Variants in KIZ observed in about 807,000 individuals in gnomAD.
KIZ encodes the protein kizuna centrosomal protein.
Under a neutral mutation model 79.6 loss-of-function variants are expected in KIZ, and 68 were observed. That is an observed-to-expected ratio of 0.85 (90% CI 0.70 to 1.05). The LOEUF (loss-of-function observed/expected upper bound fraction) is 1.05, where lower values mean the gene tolerates loss of function less well. KIZ is among the 50% of genes least tolerant of loss of function. The pLI is 0.00. For missense variants in KIZ, 797 were observed against 800.4 expected (o/e 1.00, Z 0.05); for synonymous variants, 280 against 281.8 (o/e 0.99, Z 0.06).
chr20:21,223,696 G>T (rs1302568017), intron 9 of KIZ, among the ~76,000 whole-genome samples: 1 of 136,020 alleles, frequency 7.4e-6, no homozygotes, highest in Non-Finnish European at 1.5e-5. Context: ...CAGAGATGGA[G>T]TCTTGCTCTC....
chr20:21,215,952 A>ACACC (rs1431668366), intron 9 of KIZ, among the ~76,000 whole-genome samples: 2 of 152,200 alleles, frequency 1.3e-5, no homozygotes, highest in African/African-American at 4.8e-5. Context: ...TCCCTGGGGA[A>ACACC]CACCCGGTCA....
At chr20:21,241,150 A>G (rs917108888) in intron 11 of KIZ, among the ~76,000 whole-genome samples, 1 of 152,240 alleles carries the variant, frequency 6.6e-6, no homozygotes, top group Non-Finnish European at 1.5e-5. Flanking sequence ...CATCTACTCT[A>G]GTAGCCAAAG....
In KIZ at chr20:21,174,612, G is replaced by A. The variant is rs2034358163; in HGVS notation, c.1352+11453G>A. On this transcript the variant is annotated intron_variant, in intron 6 of 12. Transcript: ENST00000619189. The stretch of plus-strand genomic sequence containing the variant: ...TTCCAACCTCAAATAGGCCAATGAA[G>A]TGCTATGTGCCTTTATTCAGGCTTG... Among the ~76,000 whole-genome samples, 2 of 152,014 alleles carry A rather than the reference G, an allele frequency of 1.3e-5. 1 individual carries two copies. The highest frequency in any genetic ancestry group is 4.1e-4 in the South Asian group (2 of 4,830).
intron 11 of KIZ, among the ~76,000 whole-genome samples, chr20:21,239,486 A>G (rs1047431619): frequency 6.6e-6 from 1 of 152,200 alleles, no homozygotes; most frequent in Admixed American, 6.5e-5. Context: ...CTGCACAGTG[A>G]AGGCTCTGGA....
chr20:21,209,624 C>T (rs538466344), intron 7 of KIZ, among the ~76,000 whole-genome samples: 137 of 152,326 alleles, frequency 9.0e-4, no homozygotes, highest in African/African-American at 3.2e-3. Flanking sequence ...TTCCCTTTAA[C>T]GTAGAACTTA....
At chr20:21,175,259 A>G (rs994629674) in intron 6 of KIZ, among the ~76,000 whole-genome samples, 1 of 152,196 alleles carries the variant, frequency 6.6e-6, no homozygotes, top group African/African-American at 2.4e-5. Flanking sequence ...CTAGTTTCTG[A>G]AAAATCTAAG....
At chr20:21,176,379 A>G (rs2122859856) in intron 6 of KIZ, among the ~76,000 whole-genome samples, 1 of 152,142 alleles carries the variant, frequency 6.6e-6, no homozygotes, top group Non-Finnish European at 1.5e-5. Flanking sequence ...AAACAAGGAC[A>G]CCCAAGGAAA....
intron 6 of KIZ, among the ~76,000 whole-genome samples, chr20:21,203,182 A>C (rs2035666489): frequency 6.6e-6 from 1 of 152,212 alleles, no homozygotes. Flanking sequence ...TATGTCTCTG[A>C]AACCTCTTTT....
At chr20:21,219,631 A>C (rs2036435570) in intron 9 of KIZ, among the ~76,000 whole-genome samples, 2 of 152,172 alleles carry the variant, frequency 1.3e-5, no homozygotes, top group Admixed American at 1.3e-4. Context: ...TGGCTCTTTA[A>C]AAGAGCATTG....
At chr20:21,209,578 T>G (rs2035979243) in intron 7 of KIZ, among the ~76,000 whole-genome samples, 1 of 151,006 alleles carries the variant, frequency 6.6e-6, no homozygotes, top group Non-Finnish European at 1.5e-5. Context: ...TCTTCTCATT[T>G]AAAAAAAAAA....
chr20:21,221,073 T>C (rs955497035), intron 9 of KIZ, among the ~76,000 whole-genome samples: 20 of 152,104 alleles, frequency 1.3e-4, no homozygotes, highest in Admixed American at 7.9e-4. Flanking sequence ...TGACCTACTA[T>C]GTAGGTCAGT....
rs1353524477 is a variant in KIZ at position 21,132,100 on chromosome 20, AAAG to A, written c.98_100del (p.Lys33del). 1 of 1,316,566 alleles carries A rather than the reference AAAG, an allele frequency of 7.6e-7. No homozygotes were observed. The highest frequency in any genetic ancestry group is 1.1e-6 in the Non-Finnish European group (1 of 938,788). 81.6% of individuals were successfully genotyped at this position (1,316,566 alleles called of 1,614,324 possible). On this transcript the variant is annotated inframe_deletion, in exon 2 of 13. Transcript: ENST00000619189. ...TATAAAATGTTTTTTATTATAGTGA[AAAG>A]AAGAGATTGGACCTGGAAAAGAAAC...
chr20:21,178,223 C>G (rs2034515365), intron 6 of KIZ, among the ~76,000 whole-genome samples: 1 of 151,938 alleles, frequency 6.6e-6, no homozygotes, highest in Admixed American at 6.6e-5. Context: ...GGAATTCTTT[C>G]CATTTGCTTG....
intron 4 of KIZ, among the ~76,000 whole-genome samples, chr20:21,157,278 T>C (rs1388803322): frequency 1.3e-5 from 2 of 152,148 alleles, no homozygotes; most frequent in Admixed American, 6.5e-5. Flanking sequence ...ACTTTTATTT[T>C]TACACATAAT....
intron 4 of KIZ, among the ~76,000 whole-genome samples, chr20:21,152,217 T>C (rs1369036103): frequency 6.6e-6 from 1 of 152,192 alleles, no homozygotes; most frequent in African/African-American, 2.4e-5. Context: ...GGCAATGAGC[T>C]GGGGAAAATA....
At chr20:21,239,430 T>A (rs1349788108) in intron 11 of KIZ, among the ~76,000 whole-genome samples, 3 of 152,208 alleles carry the variant, frequency 2.0e-5, no homozygotes, top group Non-Finnish European at 4.4e-5. Context: ...GCTGGCTCGC[T>A]CTGTGTGTCT....
chr20:21,215,624 G>A lies in KIZ; in HGVS notation c.1654G>A (p.Val552Met), dbSNP rs772928166. 2.5e-6 allele frequency: 4 copies of A among 1,606,456 alleles called. No individual in the cohort carries two copies. The East Asian group carries it at 8.9e-5, about 36-fold the overall frequency. ...TGGAGACAAGAGCAAGAAAGAAAAT[G>A]TGGCTGCAGATATCCCAATCACAGG... ...GCGDKSKKEN[V>M]AADIPITETE... Residue 552 changes from valine (V) to methionine (M), a missense_variant, in exon 9 of 13, where the codon GTG becomes ATG. Physicochemically the swap from Val to Met is conservative, Grantham distance 21. Coordinates refer to ENST00000619189, the MANE Select transcript of KIZ (RefSeq NM_018474.6).
chr20:21,194,087 A>G (rs1399128491), intron 6 of KIZ: 1 of 152,222 alleles, frequency 6.6e-6, no homozygotes, highest in Non-Finnish European at 1.5e-5. Flanking sequence ...GTTGTCTCCT[A>G]AATCCTGTGT....
chr20:21,128,224 G>T (rs2031609147), intron 1 of KIZ, among the ~76,000 whole-genome samples: 1 of 152,124 alleles, frequency 6.6e-6, no homozygotes, highest in African/African-American at 2.4e-5. Flanking sequence ...TGTTGGCCAG[G>T]CTGATCTCGA....
Sources: gnomAD v4.1 joint callset for allele counts (sites outside exome capture counted in the v4.1 genomes callset) on GRCh38, gnomAD v4.1.1 for gene constraint, MANE v1.5 for transcripts, NCBI Gene and HGNC (gene_info 2026-07-23, HGNC 2026-07-21) for gene names.